Variants in CHCT1 observed in about 807,000 individuals in gnomAD.
CHCT1 encodes CHD1 helical C-terminal domain containing protein 1.
At chr17:60,422,534 C>A in the CHCT1 span, 1 of 1,546,478 alleles carries the variant, frequency 6.5e-7, no homozygotes, top group South Asian at 1.2e-5. Context: ...AGCAGTGGGT[C>A]AGAAGCCAGA....
the CHCT1 span, among the ~76,000 whole-genome samples, chr17:60,429,949 C>T: frequency 6.6e-6 from 1 of 151,706 alleles, no homozygotes; most frequent in Non-Finnish European, 1.5e-5. Context: ...CTCAGCATCC[C>T]CAGTAGCTGG....
chr17:60,429,035 G>T, the CHCT1 span, among the ~76,000 whole-genome samples: 1 of 151,428 alleles, frequency 6.6e-6, no homozygotes, highest in Non-Finnish European at 1.5e-5. Flanking sequence ...AACGAGTAAG[G>T]CTCCCAATTT....
At chr17:60,430,343 T>C in the CHCT1 span, among the ~76,000 whole-genome samples, 6 of 152,214 alleles carry the variant, frequency 3.9e-5, no homozygotes, top group East Asian at 1.2e-3. Flanking sequence ...CTCTTCCCAT[T>C]ATTACCTGAC....
chr17:60,431,309 G>C, the CHCT1 span: 1 of 1,428,688 alleles, frequency 7.0e-7, no homozygotes, highest in Non-Finnish European at 9.7e-7. Context: ...CTGGCTCTCA[G>C]AGCACGGGGA....
chr17:60,422,402 A>AC, the CHCT1 span: 1 of 1,403,818 alleles, frequency 7.1e-7, no homozygotes, highest in Non-Finnish European at 9.5e-7. Context: ...AGCTGCAGCC[A>AC]CCCCTAAGAA....
At chr17:60,429,668 G>A in the CHCT1 span, 4 of 1,015,204 alleles carry the variant, frequency 3.9e-6, no homozygotes, top group Non-Finnish European at 5.7e-6. Flanking sequence ...CCCCCAGCCT[G>A]ACAAGCTCCT....
chr17:60,425,022 A>G, the CHCT1 span, among the ~76,000 whole-genome samples: 1 of 152,096 alleles, frequency 6.6e-6, no homozygotes, highest in South Asian at 2.1e-4. Flanking sequence ...GGTCTAAAGA[A>G]CCCTTCAAAA....
chr17:60,429,616 G>T, the CHCT1 span: 1 of 1,552,520 alleles, frequency 6.4e-7, no homozygotes, highest in South Asian at 1.2e-5. Context: ...AGTGGTGTCT[G>T]GGTGTTTCCC....
the CHCT1 span, chr17:60,422,385 AG>A: frequency 7.7e-7 from 1 of 1,304,920 alleles, no homozygotes; most frequent in Non-Finnish European, 1.0e-6. Context: ...TCCCAGCTGG[AG>A]GGGCCAGCTG....
chr17:60,431,303 C>T, the CHCT1 span: 5 of 1,471,208 alleles, frequency 3.4e-6, no homozygotes, highest in Non-Finnish European at 4.7e-6. Flanking sequence ...CTTGTCCTGG[C>T]TCTCAGAGCA....
chr17:60,423,394 T>G, the CHCT1 span, among the ~76,000 whole-genome samples: 1 of 152,122 alleles, frequency 6.6e-6, no homozygotes, highest in African/African-American at 2.4e-5. Context: ...GGTTTCGCCA[T>G]GTTGGCCAGG....
the CHCT1 span, chr17:60,426,180 C>A: frequency 1.3e-6 from 2 of 1,551,702 alleles, no homozygotes; most frequent in South Asian, 1.2e-5. Flanking sequence ...TACCTAAGAC[C>A]GCTGAAGAAG....
the CHCT1 span, chr17:60,431,059 G>T: frequency 3.1e-6 from 2 of 654,456 alleles, no homozygotes; most frequent in Non-Finnish European, 5.3e-6. Context: ...ATATAGGTGG[G>T]AAGTAAGATA....
At chr17:60,422,319 G>A in the CHCT1 span, 7 of 644,324 alleles carry the variant, frequency 1.1e-5, no homozygotes, top group South Asian at 3.8e-5. Context: ...CCTGCTGTGC[G>A]CTCTGCCAAA....
chr17:60,429,960 G>A, the CHCT1 span, among the ~76,000 whole-genome samples: 2 of 151,758 alleles, frequency 1.3e-5, no homozygotes, highest in African/African-American at 4.8e-5. Context: ...CAGTAGCTGG[G>A]ATTAGAGATG....
At chr17:60,426,442 A>G in the CHCT1 span, 16 of 1,268,834 alleles carry the variant, frequency 1.3e-5, no homozygotes, top group African/African-American at 1.2e-4. Context: ...CTTTATGTGG[A>G]GGAGTCAAGA....
chr17:60,429,641 GCAGCCGGGAGCCTCTGCCCC>G, the CHCT1 span: 1 of 1,382,812 alleles, frequency 7.2e-7, no homozygotes. Flanking sequence ...GTAGACTCAA[GCAGCCGGGAGCCTCTGCCCC>G]CAGCCTGACA....
chr17:60,431,135 C>G, the CHCT1 span: 8 of 1,344,834 alleles, frequency 5.9e-6, no homozygotes, highest in Non-Finnish European at 8.3e-6. Flanking sequence ...GAGATTCTTA[C>G]TATTTGTGAT....
At chr17:60,426,130 T>C in the CHCT1 span, 3 of 1,547,030 alleles carry the variant, frequency 1.9e-6, no homozygotes, top group South Asian at 3.6e-5. Flanking sequence ...TTTTCTCCCA[T>C]GGCCCCTCAC....
Sources: gnomAD v4.1 joint callset for allele counts (sites outside exome capture counted in the v4.1 genomes callset) on GRCh38, gnomAD v4.1.1 for gene constraint, MANE v1.5 for transcripts, NCBI Gene and HGNC (gene_info 2026-07-23, HGNC 2026-07-21) for gene names.